PTPRD: variants seen among roughly 807,000 people sequenced by gnomAD.
PTPRD encodes protein tyrosine phosphatase receptor type D.
A neutral mutation model predicts 214.5 loss-of-function variants in PTPRD; 34 were observed. That is an observed-to-expected ratio of 0.16 (90% confidence interval 0.12 to 0.21). The LOEUF (loss-of-function observed/expected upper bound fraction) is 0.21. Among genes scored for constraint, PTPRD ranks in the 10% least tolerant of loss-of-function variants. PTPRD has a pLI of 1.00. For synonymous variants in PTPRD, 1,128 were observed against 845.7 expected, an observed-to-expected ratio of 1.33 and a Z score of -5.79; for missense variants, 2,545 against 2,398.7, an observed-to-expected ratio of 1.06 and a Z score of -1.27.
At chr9:9,344,889 A>C (rs1380421983) in intron 9 of PTPRD, among the ~76,000 whole-genome samples, 1 of 152,146 alleles carries the variant, frequency 6.6e-6, no homozygotes, top group Non-Finnish European at 1.5e-5. Flanking sequence ...TTATTCTATC[A>C]ATAAGAACTC....
chr9:9,889,648 G>C (rs545975673), intron 5 of PTPRD, among the ~76,000 whole-genome samples: 2 of 152,242 alleles, frequency 1.3e-5, no homozygotes, highest in African/African-American at 4.8e-5. Context: ...TGACAAAGTA[G>C]CTGGACTCTA....
At chr9:9,788,236 G>A (rs2098940255) in intron 5 of PTPRD, among the ~76,000 whole-genome samples, 1 of 151,440 alleles carries the variant, frequency 6.6e-6, no homozygotes, top group Non-Finnish European at 1.5e-5. Context: ...TTCACAAAAG[G>A]ATGCCATGAA....
intron 6 of PTPRD, among the ~76,000 whole-genome samples, chr9:9,740,901 A>G (rs990804807): frequency 1.3e-5 from 2 of 152,198 alleles, no homozygotes; most frequent in Non-Finnish European, 2.9e-5. Flanking sequence ...ACCATATTCA[A>G]CAACATAGAT....
intron 10 of PTPRD, among the ~76,000 whole-genome samples, chr9:9,086,042 A>G (rs1344226542): frequency 6.6e-6 from 1 of 152,352 alleles, no homozygotes; most frequent in South Asian, 2.1e-4. Flanking sequence ...TATATAGGAA[A>G]GTAAATAAAT....
intron 3 of PTPRD, among the ~76,000 whole-genome samples, chr9:10,305,056 TATATACACCC>T (rs1177362886): frequency 6.6e-6 from 1 of 151,898 alleles, no homozygotes; most frequent in Non-Finnish European, 1.5e-5. Context: ...CCAAAACAGA[TATATACACCC>T]ATGGAACAGA....
intron 14 of PTPRD, among the ~76,000 whole-genome samples, chr9:8,541,856 A>G (rs1332341956): frequency 1.3e-5 from 2 of 152,200 alleles, no homozygotes; most frequent in Admixed American, 6.5e-5. Flanking sequence ...CACAGGATAG[A>G]AATTTATTCA....
intron 14 of PTPRD, among the ~76,000 whole-genome samples, chr9:8,569,103 A>C (rs1010284515): frequency 2.0e-5 from 3 of 151,944 alleles, no homozygotes; most frequent in African/African-American, 7.2e-5. Context: ...CCAAACTAAC[A>C]CATCTTTCTT....
At position 8,845,606 on chromosome 9, in the gene PTPRD, C is replaced by T. The variant is rs183731882; in HGVS notation, c.-103-111660G>A. On this transcript the variant is annotated intron_variant, in intron 11 of 45. Transcript: ENST00000381196. ...ACAGCCAATCCTGTCCCATGCCACC[C>T]AGCAAGTACATCAAAAACAAGATTA... 5.0e-3 allele frequency among the ~76,000 whole-genome samples: 759 copies of T among 152,346 alleles called. 13 individuals are homozygous for T. The highest frequency in any genetic ancestry group is 0.029 in the Admixed American group (437 of 15,308).
chr9:8,547,421 T>A (rs539507783), intron 14 of PTPRD, among the ~76,000 whole-genome samples: 2 of 152,128 alleles, frequency 1.3e-5, no homozygotes, highest in Non-Finnish European at 2.9e-5. Context: ...GGTGGGCAGA[T>A]TGCCTGATCT....
chr9:9,364,475 TAGA>T (rs776252362), intron 9 of PTPRD, among the ~76,000 whole-genome samples: 3 of 151,348 alleles, frequency 2.0e-5, no homozygotes, highest in Non-Finnish European at 3.0e-5. Flanking sequence ...AAGGCCATAT[TAGA>T]AGGTGATATT....
intron 11 of PTPRD, among the ~76,000 whole-genome samples, chr9:8,965,959 T>C (rs1351350253): frequency 1.3e-5 from 2 of 152,004 alleles, no homozygotes; most frequent in Non-Finnish European, 1.5e-5. Flanking sequence ...ACAAAATCAA[T>C]GTACAAAAAC....
At chr9:8,958,813 C>T (rs2099144682) in intron 11 of PTPRD, 1 of 151,924 alleles carries the variant, frequency 6.6e-6, no homozygotes. Context: ...CATCCCATAA[C>T]CACAATGGAA....
chr9:10,070,976 G>A lies in PTPRD; in HGVS notation c.-544-37186C>T, dbSNP rs142116694. 2.8e-3 allele frequency among the ~76,000 whole-genome samples: 427 copies of A among 152,068 alleles called. 3 individuals are homozygous for A. Among genetic ancestry groups the A allele is most frequent in the African/African-American group, 9.8e-3 (405 of 41,528 alleles). Reference sequence around the variant, plus strand: ...AAACATCAACTTCTTTCTTCCATATGAGAAATGAACAATTTGAATTTCAAA... The same window carrying A: ...AAACATCAACTTCTTTCTTCCATATAAGAAATGAACAATTTGAATTTCAAA... On this transcript the variant is annotated intron_variant, in intron 3 of 45. Coordinates refer to ENST00000381196, the MANE Select transcript of PTPRD (RefSeq NM_002839.4).
chr9:9,839,545 A>G (rs1392775595), intron 5 of PTPRD, among the ~76,000 whole-genome samples: 1 of 152,106 alleles, frequency 6.6e-6, no homozygotes, highest in Non-Finnish European at 1.5e-5. Context: ...GCTCAATGAA[A>G]TAAAAGAGGA....
intron 45 of PTPRD, 87 bp from the exon 46 acceptor site, chr9:8,318,029 A>G: frequency 7.7e-7 from 1 of 1,293,068 alleles, no homozygotes; most frequent in Non-Finnish European, 1.1e-6. Context: ...TTGCATAACA[A>G]AATAACATCT....
Position 9,464,686 on chromosome 9 carries a change from G to A in PTPRD, c.-236-67204C>T, listed in dbSNP as rs577880993. On this transcript the variant is annotated intron_variant, in intron 8 of 45. Transcript: ENST00000381196. ...CCATCTGTTAGTTGATTTCCACCCC[G>A]GGAATCACATTATCCAGTCAAATAT... Among the ~76,000 whole-genome samples, 147 of 152,102 alleles carry A rather than the reference G, an allele frequency of 9.7e-4. 1 individual carries two copies. Among genetic ancestry groups the A allele is most frequent in the African/African-American group, 3.3e-3 (137 of 41,488 alleles).
At chr9:9,833,450 G>C (rs1169087747) in intron 5 of PTPRD, among the ~76,000 whole-genome samples, 1 of 151,878 alleles carries the variant, frequency 6.6e-6, no homozygotes, top group African/African-American at 2.4e-5. Context: ...GTGGAGGCAG[G>C]GCGAGATCAC....
chr9:10,520,303 C>G (rs1257808913), intron 2 of PTPRD, among the ~76,000 whole-genome samples: 1 of 152,172 alleles, frequency 6.6e-6, no homozygotes, highest in East Asian at 1.9e-4. Context: ...AAACCAACCA[C>G]ATTTCCTTAA....
At chr9:9,793,155 C>T (rs760990254) in intron 5 of PTPRD, among the ~76,000 whole-genome samples, 3 of 151,930 alleles carry the variant, frequency 2.0e-5, no homozygotes, top group Non-Finnish European at 4.4e-5. Flanking sequence ...ATTATTTTGC[C>T]ATGACAAAAT....
Sources: allele counts gnomAD v4.1 joint callset (sites outside exome capture counted in the v4.1 genomes callset), GRCh38; gene constraint gnomAD v4.1.1; transcripts MANE v1.5; gene names NCBI Gene and HGNC (gene_info 2026-07-23, HGNC 2026-07-21).